NBPF3: variants seen among roughly 807,000 people sequenced by gnomAD.
NBPF3 encodes the protein NBPF member 3, also known as NBPF family member NBPF3.
In NBPF3, 57 loss-of-function variants were observed where a neutral mutation model predicts 78.1. The observed-to-expected ratio is 0.73, with a 90% CI of 0.59 to 0.91. The LOEUF (loss-of-function observed/expected upper bound fraction) is 0.91, where lower values mean the gene tolerates loss of function less well. Among genes scored for constraint, NBPF3 ranks in the 40% least tolerant of loss-of-function variants. The probability of loss-of-function intolerance (pLI) is 0.00; values close to 1 mark genes in which losing one functional copy is unlikely to be tolerated. For missense variants in NBPF3, 510 were observed against 715.3 expected (o/e 0.71, Z 3.27); for synonymous variants, 182 against 271.7 (o/e 0.67, Z 3.25).
intron 3 of NBPF3, among the ~76,000 whole-genome samples, chr1:21,469,316 C>T (rs1340926829): frequency 1.3e-5 from 2 of 152,196 alleles, no homozygotes; most frequent in African/African-American, 2.4e-5. Context: ...AGGCAAAGCT[C>T]TGTTCTGGGG....
At chr1:21,468,516 C>T in intron 2 of NBPF3, 172 bp from the exon 3 acceptor site, 1 of 1,474,774 alleles carries the variant, frequency 6.8e-7, no homozygotes, top group South Asian at 1.4e-5. Flanking sequence ...TGAGCTCAGG[C>T]ACCTCGAACA....
intron 8 of NBPF3, among the ~76,000 whole-genome samples, chr1:21,477,859 T>C (rs540352986): frequency 6.6e-6 from 1 of 152,232 alleles, no homozygotes; most frequent in Non-Finnish European, 1.5e-5. Flanking sequence ...GTTAGTTCTC[T>C]GTGCTGCAAG....
At chr1:21,465,430 A>G (rs1164879874) in intron 2 of NBPF3, among the ~76,000 whole-genome samples, 1 of 152,268 alleles carries the variant, frequency 6.6e-6, no homozygotes, top group African/African-American at 2.4e-5. Context: ...GCTGTTTCTT[A>G]CTTTGATCAA....
At chr1:21,453,639 G>A (rs1405249714) in intron 2 of NBPF3, 1 of 152,240 alleles carries the variant, frequency 6.6e-6, no homozygotes, top group African/African-American at 2.4e-5. Flanking sequence ...ATATGTGGTG[G>A]TTACTAATCA....
intron 2 of NBPF3, chr1:21,468,282 G>A (rs1642388342): frequency 8.7e-6 from 5 of 571,798 alleles, no homozygotes; most frequent in African/African-American, 3.9e-5. Flanking sequence ...AAGGGTACAC[G>A]AACACTGAGA....
In NBPF3 at chr1:21,474,782, G is replaced by T. The variant is rs1642801622; in HGVS notation, c.941-118G>T. 10 of 976,262 alleles carry T rather than the reference G, an allele frequency of 1.0e-5. No individual in the cohort carries two copies. The South Asian group carries it at 1.3e-4, about 12-fold the overall frequency. 60.5% of individuals were successfully genotyped at this position (976,262 alleles called of 1,614,324 possible). ...AGGGCACCCTGGAGTGCTCCTGTCA[G>T]AATCCATATTCTTGCACTGAGAATA... On this transcript the variant is annotated intron_variant, in intron 7 of 14. Coordinates refer to ENST00000318249, the MANE Select transcript of NBPF3 (RefSeq NM_032264.6).
In NBPF3 at chr1:21,470,655, A is replaced by G. The variant is rs768396013; in HGVS notation, c.367A>G (p.Ile123Val). 2 of 1,599,332 alleles carry G rather than the reference A, an allele frequency of 1.3e-6. No homozygotes were observed. The highest frequency in any genetic ancestry group is 1.7e-6 in the Non-Finnish European group (2 of 1,170,388). Reference sequence around the variant, plus strand: ...AGACTATGAAGACTGCAAAGACCTCATAAAATCTATGCTGAGGGATGAGCG... The same window carrying G: ...AGACTATGAAGACTGCAAAGACCTCGTAAAATCTATGCTGAGGGATGAGCG... ...NYDYEDCKDL[I>V]KSMLRDERLL... The change falls in exon 4 of 15, where the codon ATA becomes GTA. Residue 123 changes from isoleucine (I) to valine (V), a missense_variant. Ile to Val is a conservative substitution (Grantham distance 29). Transcript: ENST00000318249.
At chr1:21,466,467 T>C (rs569769789) in intron 2 of NBPF3, among the ~76,000 whole-genome samples, 11 of 152,092 alleles carry the variant, frequency 7.2e-5, no homozygotes, top group African/African-American at 2.7e-4. Context: ...GCCAAAGTCT[T>C]AGTGAGAATC....
chr1:21,481,774 G>A lies in NBPF3; in HGVS notation c.1606+5G>A. On this transcript the variant is annotated splice_donor_5th_base_variant and intron_variant, in intron 13 of 14. Coordinates refer to ENST00000318249, the MANE Select transcript of NBPF3 (RefSeq NM_032264.6). ...GCTTTTCTCTTGACGTGGATGGTGA[G>A]TACCTTTCTATGAGGGTGATAAGGA... 3.7e-6 allele frequency: 3 copies of A among 812,282 alleles called. No homozygotes were observed. The highest frequency in any genetic ancestry group is 5.3e-6 in the Non-Finnish European group (3 of 568,620). 50.3% of individuals were successfully genotyped at this position (812,282 alleles called of 1,614,324 possible). A position where few individuals can be genotyped will look rare whatever the true frequency, so the allele number is the denominator to read the frequency against.
At chr1:21,482,451 T>C in intron 13 of NBPF3, 33 bp from the exon 14 acceptor site, 1 of 155,870 alleles carries the variant, frequency 6.4e-6, no homozygotes, top group South Asian at 5.7e-5. Context: ...GGAATCAGCT[T>C]AATGTGTCTG....
chr1:21,458,650 A>G (rs1641775165), intron 2 of NBPF3, among the ~76,000 whole-genome samples: 1 of 152,256 alleles, frequency 6.6e-6, no homozygotes, highest in African/African-American at 2.4e-5. Flanking sequence ...ATGTTGATGC[A>G]TGAAAGAAGG....
chr1:21,478,747 G>A lies in NBPF3; in HGVS notation c.1156+440G>A, dbSNP rs376839632. ...CAGTGTCACCCTTGTCTACCTCTCC[G>A]TGGAAGATGTGACCCAGGTTTCACT... On this transcript the variant is annotated intron_variant, in intron 9 of 14. Transcript: ENST00000318249. Among the ~76,000 whole-genome samples, 37 of 152,330 alleles carry A rather than the reference G, an allele frequency of 2.4e-4. 2 individuals carry two copies. The highest frequency in any genetic ancestry group is 8.2e-4 in the African/African-American group (34 of 41,576).
At chr1:21,437,621 A>G, upstream of NBPF3, 1 of 426,092 alleles carries the variant, frequency 2.3e-6, no homozygotes, top group Non-Finnish European at 4.1e-6. Flanking sequence ...GTGACTCTGC[A>G]CTAATATGGT....
At chr1:21,479,095 G>C (rs913481727) in intron 9 of NBPF3, among the ~76,000 whole-genome samples, 1 of 152,228 alleles carries the variant, frequency 6.6e-6, no homozygotes, top group African/African-American at 2.4e-5. Context: ...GCTCATTTGT[G>C]TACACAAACC....
intron 7 of NBPF3, among the ~76,000 whole-genome samples, chr1:21,474,163 C>T (rs1438978165): frequency 6.6e-6 from 1 of 152,028 alleles, no homozygotes; most frequent in Non-Finnish European, 1.5e-5. Context: ...TGTTTTGTAG[C>T]ATCATAGATT....
At chr1:21,479,920 A>G (rs1487660455) in intron 10 of NBPF3, 131 bp from the exon 11 acceptor site, 1 of 722,324 alleles carries the variant, frequency 1.4e-6, no homozygotes. Flanking sequence ...GAAGGCAATA[A>G]TTTGTTACCT....
chr1:21,464,565 A>T (rs1162632332), intron 2 of NBPF3, among the ~76,000 whole-genome samples: 1 of 152,086 alleles, frequency 6.6e-6, no homozygotes, highest in East Asian at 1.9e-4. Context: ...GAATATGGTA[A>T]AAGACACTGA....
chr1:21,476,191 C>T lies in NBPF3; in HGVS notation c.992+1240C>T, dbSNP rs181006107. On this transcript the variant is annotated intron_variant, in intron 8 of 14. Coordinates refer to ENST00000318249, the MANE Select transcript of NBPF3 (RefSeq NM_032264.6). The surrounding 1 kb of genome is among the most constrained non-coding windows in gnomAD (Gnocchi z 4.1). ...CTCTGCACGTGAGATGGGTCTCCTG[C>T]GTACAGCACACTGATGGGTCTTGAC... Among the ~76,000 whole-genome samples the T allele has an allele frequency of 2.6e-5, 4 of 152,178 alleles. No homozygotes were observed. Among genetic ancestry groups the T allele is most frequent in the East Asian group, 1.9e-4 (1 of 5,180 alleles).
intron 2 of NBPF3, among the ~76,000 whole-genome samples, chr1:21,451,143 C>T (rs115529941): frequency 0.015 from 2,286 of 152,292 alleles, 45 homozygotes; most frequent in African/African-American, 0.052. Context: ...TGAGATTCAT[C>T]CATGTTGTTT....
Sources: gnomAD v4.1 joint callset for allele counts (sites outside exome capture counted in the v4.1 genomes callset) on GRCh38, gnomAD v4.1.1 for gene constraint, Gnocchi (gnomAD v3.1) non-coding constraint, MANE v1.5 for transcripts, NCBI Gene and HGNC (gene_info 2026-07-23, HGNC 2026-07-21) for gene names.